ACVR2A: variants seen among roughly 807,000 people sequenced by gnomAD.
ACVR2A encodes the protein activin receptor type-2A.
In ACVR2A, 7 loss-of-function variants were observed where a neutral mutation model predicts 61.4. The observed-to-expected ratio is 0.11, with a 90% CI of 0.06 to 0.21. The LOEUF (loss-of-function observed/expected upper bound fraction) is 0.21. Among genes scored for constraint, ACVR2A ranks in the 10% least tolerant of loss-of-function variants. The probability of loss-of-function intolerance (pLI) is 1.00; values close to 1 mark genes in which losing one functional copy is unlikely to be tolerated. For synonymous variants in ACVR2A, 193 were observed against 208.3 expected (o/e 0.93, Z 0.63); for missense variants, 322 against 621.7 (o/e 0.52, Z 5.13).
chr2:147,924,140 G>A (rs967597235), intron 9 of ACVR2A, among the ~76,000 whole-genome samples: 4 of 152,044 alleles, frequency 2.6e-5, no homozygotes, highest in African/African-American at 9.7e-5. Context: ...GAAGCGTTAA[G>A]AACGCAGAGT....
At chr2:147,892,904 G>A (rs13019809) in intron 1 of ACVR2A, among the ~76,000 whole-genome samples, 49,975 of 151,552 alleles carry the variant, frequency 0.33, 8,488 homozygotes, top group East Asian at 0.52. Flanking sequence ...TTTGAAGTCA[G>A]TTTTATTTAC....
At position 147,918,308 on chromosome 2, in the gene ACVR2A, A is replaced by G; in HGVS notation, c.817-139A>G. The G allele has an allele frequency of 4.6e-6, 3 of 655,500 alleles. No individual in the cohort carries two copies. In the South Asian group the frequency reaches 1.0e-4, roughly 22 times the overall value. The allele number at this position is 655,500 out of a possible 1,614,324, so 40.6% of individuals were successfully genotyped here. ...GAAGGAAATTTGAACCATTTGAACC[A>G]TTCCAGAAAGATTGTTTCTTGGATA... On this transcript the variant is annotated intron_variant, in intron 6 of 10. Transcript: ENST00000241416.
At chr2:147,857,392 A>G (rs763335185) in intron 1 of ACVR2A, among the ~76,000 whole-genome samples, 2 of 152,156 alleles carry the variant, frequency 1.3e-5, no homozygotes, top group Non-Finnish European at 2.9e-5. Context: ...AAGCCAGAGC[A>G]CAGAAGAGTA....
At chr2:147,857,475 TA>T (rs1685610417) in intron 1 of ACVR2A, among the ~76,000 whole-genome samples, 1 of 135,958 alleles carries the variant, frequency 7.4e-6, no homozygotes, top group South Asian at 2.2e-4. Context: ...TTAATAGAAA[TA>T]AAAGCTCATT....
intron 4 of ACVR2A, among the ~76,000 whole-genome samples, chr2:147,904,193 A>G (rs1686934535): frequency 6.6e-6 from 1 of 152,012 alleles, no homozygotes; most frequent in Non-Finnish European, 1.5e-5. Context: ...ATATAGGAAG[A>G]TGCTTTTATA....
chr2:147,887,681 C>CA, intron 1 of ACVR2A, among the ~76,000 whole-genome samples: 1 of 152,184 alleles, frequency 6.6e-6, no homozygotes, highest in East Asian at 1.9e-4. Context: ...ATGGCTAAAT[C>CA]AAACAAATTA....
At chr2:147,910,938 C>T (rs979515067) in intron 4 of ACVR2A, among the ~76,000 whole-genome samples, 3 of 152,004 alleles carry the variant, frequency 2.0e-5, no homozygotes, top group South Asian at 2.1e-4. Flanking sequence ...TTATGGTGCA[C>T]GCACATAGCC....
chr2:147,924,078 A>T (rs140351195), intron 9 of ACVR2A, among the ~76,000 whole-genome samples: 1 of 152,202 alleles, frequency 6.6e-6, no homozygotes, highest in Non-Finnish European at 1.5e-5. Context: ...GTCAATGCCA[A>T]ACCTAAGAAA....
chr2:147,853,697 A>G (rs1685499172), intron 1 of ACVR2A, among the ~76,000 whole-genome samples: 1 of 152,146 alleles, frequency 6.6e-6, no homozygotes, highest in South Asian at 2.1e-4. Context: ...TTAAAAATGA[A>G]TCAAGTCTTT....
At chr2:147,905,523 C>T (rs1686968123) in intron 4 of ACVR2A, among the ~76,000 whole-genome samples, 1 of 151,634 alleles carries the variant, frequency 6.6e-6, no homozygotes, top group Non-Finnish European at 1.5e-5. Flanking sequence ...TGAAATATGA[C>T]ATAATGCTGT....
intron 4 of ACVR2A, among the ~76,000 whole-genome samples, chr2:147,900,225 C>T (rs1686838515): frequency 6.6e-6 from 1 of 152,088 alleles, no homozygotes; most frequent in Non-Finnish European, 1.5e-5. Context: ...AATCATAACC[C>T]TGTCTTTGCC....
At chr2:147,900,065 C>T (rs1420908888) in intron 4 of ACVR2A, among the ~76,000 whole-genome samples, 167 bp downstream of exon 4, 1 of 152,052 alleles carries the variant, frequency 6.6e-6, no homozygotes, top group Non-Finnish European at 1.5e-5. Context: ...ATTAATGTAC[C>T]TACCGTGTCC....
chr2:147,861,660 G>GA (rs1685730086), intron 1 of ACVR2A, among the ~76,000 whole-genome samples: 1 of 151,876 alleles, frequency 6.6e-6, no homozygotes, highest in African/African-American at 2.4e-5. Flanking sequence ...CCAGTATTTT[G>GA]AAATATTGAA....
chr2:147,866,491 T>C (rs1371769564), intron 1 of ACVR2A, among the ~76,000 whole-genome samples: 1 of 152,138 alleles, frequency 6.6e-6, no homozygotes, highest in Non-Finnish European at 1.5e-5. Context: ...GAGCCAAGAA[T>C]GGCCAAATGC....
At chr2:147,901,921 C>T (rs1167237516) in intron 4 of ACVR2A, among the ~76,000 whole-genome samples, 6 of 151,924 alleles carry the variant, frequency 3.9e-5, no homozygotes. Flanking sequence ...AAGACCACTT[C>T]GTGGCCATCA....
At chr2:147,863,786 A>T (rs1004348284) in intron 1 of ACVR2A, among the ~76,000 whole-genome samples, 2 of 152,188 alleles carry the variant, frequency 1.3e-5, no homozygotes, top group African/African-American at 4.8e-5. Flanking sequence ...AATTGTCCAT[A>T]GCTGCTTAAA....
At chr2:147,889,831 A>G (rs1035028796) in intron 1 of ACVR2A, among the ~76,000 whole-genome samples, 7 of 151,470 alleles carry the variant, frequency 4.6e-5, no homozygotes, top group African/African-American at 1.7e-4. Flanking sequence ...TTTTTTTTTA[A>G]TGGTAGGAAG....
intron 1 of ACVR2A, among the ~76,000 whole-genome samples, chr2:147,880,911 G>A (rs539727575): frequency 1.3e-5 from 2 of 152,180 alleles, no homozygotes; most frequent in South Asian, 2.1e-4. Flanking sequence ...GGGCTAGAAA[G>A]GGTAAAATTT....
chr2:147,901,904 G>T (rs534534550), intron 4 of ACVR2A, among the ~76,000 whole-genome samples: 1 of 152,038 alleles, frequency 6.6e-6, no homozygotes, highest in African/African-American at 2.4e-5. Context: ...TATGCAAACT[G>T]TTCTGCAAGA....
Sources: gnomAD v4.1 joint callset for allele counts (sites outside exome capture counted in the v4.1 genomes callset) on GRCh38, gnomAD v4.1.1 for gene constraint, MANE v1.5 for transcripts, NCBI Gene and HGNC (gene_info 2026-07-23, HGNC 2026-07-21) for gene names.